Variants in UGT2B15 observed in about 807,000 individuals in gnomAD.
UGT2B15 encodes UDP glucuronosyltransferase family 2 member B15.
A neutral mutation model predicts 45.9 loss-of-function variants in UGT2B15; 36 were observed. The observed-to-expected ratio is 0.78, with a 90% CI of 0.60 to 1.04. The LOEUF is 1.04. Ranked by LOEUF, UGT2B15 falls within the 50% of genes least tolerant of loss-of-function variation. The pLI, the probability that UGT2B15 is intolerant of heterozygous loss-of-function variation, is 0.00. For synonymous variants in UGT2B15, 219 were observed against 216.4 expected, an observed-to-expected ratio of 1.01 and a Z score of -0.11; for missense variants, 617 against 622.4, an observed-to-expected ratio of 0.99 and a Z score of 0.09.
Position 68,669,908 on chromosome 4 carries a change from A to G in UGT2B15, c.711T>C (p.Tyr237=), listed in dbSNP as rs369643527. ...IYDLKKWDQF[Y]SEVLGRPTTL... is the part of the protein sequence containing the mutation. Reference sequence around the variant, plus strand: ...CACATGACTTACCTAGAACTTCACTATAAAACTGGTCCCACTTCTTCAGAT... The same window carrying G: ...CACATGACTTACCTAGAACTTCACTGTAAAACTGGTCCCACTTCTTCAGAT... The change falls in exon 1 of 6, where the codon TAT becomes TAC. Residue 237 remains tyrosine, a synonymous_variant. Transcript: ENST00000338206. 6.8e-6 allele frequency: 11 copies of G among 1,610,426 alleles called. No individual in the cohort carries two copies. Among genetic ancestry groups the G allele is most frequent in the South Asian group, 2.2e-5 (2 of 90,386 alleles).
intron 3 of UGT2B15, among the ~76,000 whole-genome samples, chr4:68,660,145 A>G (rs1385788266): frequency 6.6e-6 from 1 of 151,596 alleles, no homozygotes; most frequent in Non-Finnish European, 1.5e-5. Context: ...ACAAAACACA[A>G]TTGGAGAAAC....
rs1221710067 is a variant in UGT2B15 at position 68,652,415 on chromosome 4, T to C, written c.1313+1622A>G. On this transcript the variant is annotated intron_variant, in intron 5 of 5. Transcript: ENST00000338206. ...TAAATCCAGCATCTTATTCTATATA[T>C]ATATATATTTTAATTTTCTAACCTG... Among the ~76,000 whole-genome samples the C allele has an allele frequency of 1.3e-5, 2 of 151,468 alleles. 1 individual carries two copies. Among genetic ancestry groups the C allele is most frequent in the Non-Finnish European group, 2.9e-5 (2 of 67,810 alleles).
chr4:68,668,515 C>T (rs529338067), intron 1 of UGT2B15, among the ~76,000 whole-genome samples: 1 of 151,576 alleles, frequency 6.6e-6, no homozygotes, highest in Admixed American at 6.6e-5. Context: ...CTGTCCCCAC[C>T]CAAATCTCCT....
intron 2 of UGT2B15, among the ~76,000 whole-genome samples, chr4:68,666,355 ATATCT>A (rs1383637820): frequency 6.6e-6 from 1 of 152,156 alleles, no homozygotes; most frequent in Admixed American, 6.6e-5. Context: ...ATGAAGACTG[ATATCT>A]TAAATGGCTG....
chr4:68,661,051 A>G (rs1388728721), intron 3 of UGT2B15, among the ~76,000 whole-genome samples: 5 of 152,044 alleles, frequency 3.3e-5, no homozygotes, highest in Admixed American at 3.3e-4. Flanking sequence ...CTTTCCTAAT[A>G]ACTCAGGACC....
At position 68,647,051 on chromosome 4, in the gene UGT2B15, A is replaced by C; in HGVS notation, c.*53T>G. 1 of 1,560,086 alleles carries C rather than the reference A, an allele frequency of 6.4e-7. No individual in the cohort carries two copies. The highest frequency in any genetic ancestry group is 8.7e-7 in the Non-Finnish European group (1 of 1,152,712). ...CTCCATTTAAAACCCTCCATGCTGAAATAAAGGAGGAGTCCCATCTTTCAG... is the reference window on the plus strand; with the variant it reads ...CTCCATTTAAAACCCTCCATGCTGACATAAAGGAGGAGTCCCATCTTTCAG... On this transcript the variant is annotated 3_prime_UTR_variant, in exon 6 of 6. Coordinates refer to ENST00000338206, the MANE Select transcript of UGT2B15 (RefSeq NM_001076.4).
intron 1 of UGT2B15, 83 bp from the exon 2 acceptor site, chr4:68,668,271 C>A: frequency 1.3e-6 from 2 of 1,588,006 alleles, no homozygotes; most frequent in Non-Finnish European, 1.7e-6. Flanking sequence ...CCTGAAAGGA[C>A]TTGGAATAAC....
chr4:68,655,006 A>C (rs1417567435), intron 4 of UGT2B15, 89 bp downstream of exon 4: 25 of 1,445,106 alleles, frequency 1.7e-5, no homozygotes, highest in Middle Eastern at 2.4e-4. Flanking sequence ...TCCAATAATA[A>C]ATGCTAAATA....
intron 1 of UGT2B15, 90 bp from the exon 2 acceptor site, chr4:68,668,278 T>A (rs1733202038): frequency 6.4e-7 from 1 of 1,573,844 alleles, no homozygotes; most frequent in African/African-American, 1.4e-5. Flanking sequence ...GGACTTGGAA[T>A]AACATACCCA....
At position 68,669,796 on chromosome 4, in the gene UGT2B15, T is replaced by A. The variant is rs893417086; in HGVS notation, c.724+99A>T. 7 of 1,472,694 alleles carry A rather than the reference T, an allele frequency of 4.8e-6. No homozygotes were observed. The African/African-American group carries it at 5.7e-5, about 12-fold the overall frequency. The allele number at this position is 1,472,694 out of a possible 1,614,324, so 91.2% of individuals were successfully genotyped here. A position where few individuals can be genotyped will look rare whatever the true frequency, so the allele number is the denominator to read the frequency against. On this transcript the variant is annotated intron_variant, in intron 1 of 5. Coordinates refer to ENST00000338206, the MANE Select transcript of UGT2B15 (RefSeq NM_001076.4). ...TTACATTTGCAATTCATAATTTCCC[T>A]TAAAAACACTATCTTCTGACATTAT...
intron 2 of UGT2B15, among the ~76,000 whole-genome samples, chr4:68,665,221 T>TA (rs1369775035): frequency 6.6e-6 from 1 of 152,198 alleles, no homozygotes; most frequent in East Asian, 1.9e-4. Context: ...GGTTTAATTC[T>TA]ATTTATATAA....
intron 2 of UGT2B15, among the ~76,000 whole-genome samples, chr4:68,665,879 T>C (rs1733104068): frequency 6.6e-6 from 1 of 152,148 alleles, no homozygotes; most frequent in Non-Finnish European, 1.5e-5. Flanking sequence ...AAACTCTGTC[T>C]CTACTAAAAA....
rs954635398 is a variant in UGT2B15 at position 68,659,826 on chromosome 4, C to T, written c.1005+3182G>A. Among the ~76,000 whole-genome samples the T allele has an allele frequency of 4.0e-5, 6 of 151,718 alleles. 1 individual carries two copies. Among genetic ancestry groups the T allele is most frequent in the African/African-American group, 1.5e-4 (6 of 41,318 alleles). On this transcript the variant is annotated intron_variant, in intron 3 of 5. Coordinates refer to ENST00000338206, the MANE Select transcript of UGT2B15 (RefSeq NM_001076.4). ...AGGACTCATGGAGAACTAAAATGTT[C>T]ATGAGTATCAAGCAGAACAGGAATT...
chr4:68,659,548 G>C (rs1381508134), intron 3 of UGT2B15, among the ~76,000 whole-genome samples: 1 of 151,906 alleles, frequency 6.6e-6, no homozygotes. Context: ...ATATGACTTA[G>C]TGTGTACGTT....
Position 68,655,176 on chromosome 4 carries a change from A to G in UGT2B15, c.1012T>C (p.Trp338Arg), listed in dbSNP as rs1488693151. The change falls in exon 4 of 6, where the codon TGG (tryptophan) becomes CGG (arginine). Residue 338 changes from tryptophan (W) to arginine (R), a missense_variant. Trp to Arg is a moderately radical substitution (Grantham distance 101). Coordinates refer to ENST00000338206, the MANE Select transcript of UGT2B15 (RefSeq NM_001076.4). ...TTTGGCTTCTTGCCATCAAATCTCC[A>G]TAGAACCTGTTAGGGCAAGGAAAAT... is the stretch of plus-strand genomic sequence containing the variant. ...ALAQIPQKVL[W>R]RFDGKKPNTL... 3.7e-6 allele frequency: 6 copies of G among 1,613,294 alleles called. No individual in the cohort carries two copies. The African/African-American group carries it at 5.3e-5, about 14-fold the overall frequency.
Position 68,647,193 on chromosome 4 carries a change from C to G in UGT2B15, c.1504G>C (p.Val502Leu). Reference protein sequence around the residue: ...LDVIAFLLACVATVIFIITKF... With the variant: ...LDVIAFLLACLATVIFIITKF... ...GTGATGATAAATATCACAGTTGCCACGCAGGCCAGCAGGAATGCTATCACA... is the reference window on the plus strand; with the variant it reads ...GTGATGATAAATATCACAGTTGCCAGGCAGGCCAGCAGGAATGCTATCACA... Residue 502 changes from valine (V) to leucine (L), a missense_variant, in exon 6 of 6, where the codon GTG becomes CTG. Physicochemically the swap from Val to Leu is conservative, Grantham distance 32 (BLOSUM62 1). Transcript: ENST00000338206. 1 of 1,613,872 alleles carries G rather than the reference C, an allele frequency of 6.2e-7. No homozygotes were observed.
chr4:68,654,280 A>G, intron 4 of UGT2B15, 24 bp from the exon 5 acceptor site: 1 of 1,606,764 alleles, frequency 6.2e-7, no homozygotes, highest in Non-Finnish European at 8.5e-7. Context: ...CATTTTAACA[A>G]AATTATTAAT....
Position 68,667,296 on chromosome 4 carries a change from C to T in UGT2B15, c.873+744G>A, listed in dbSNP as rs1014776974. Among the ~76,000 whole-genome samples, 9 of 151,826 alleles carry T rather than the reference C, an allele frequency of 5.9e-5. No individual in the cohort carries two copies. In the South Asian group the frequency reaches 1.0e-3, roughly 18 times the overall value. ...CCTGCCTCAGCCTCTTAAGTAGCTA[C>T]GACTATGAGACTACAGGCACACACC... On this transcript the variant is annotated intron_variant, in intron 2 of 5. Coordinates refer to ENST00000338206, the MANE Select transcript of UGT2B15 (RefSeq NM_001076.4).
chr4:68,662,515 A>G (rs138460197), intron 3 of UGT2B15, among the ~76,000 whole-genome samples: 51,511 of 128,872 alleles, frequency 0.4, 10,786 homozygotes, highest in South Asian at 0.47. Flanking sequence ...CTATTCCAAT[A>G]CATGGGAAGT....
Sources: allele counts gnomAD v4.1 joint callset (sites outside exome capture counted in the v4.1 genomes callset), GRCh38; gene constraint gnomAD v4.1.1; transcripts MANE v1.5; gene names NCBI Gene and HGNC (gene_info 2026-07-23, HGNC 2026-07-21).